Variants in PANK3 observed in about 807,000 individuals in gnomAD.
PANK3 encodes hPanK3.
PANK3 carries 20 observed loss-of-function variants against 39.4 expected under a neutral mutation model. The observed-to-expected ratio is 0.51, with a 90% CI of 0.36 to 0.74. The LOEUF (loss-of-function observed/expected upper bound fraction) is 0.74, where lower values mean the gene tolerates loss of function less well. Ranked by LOEUF, PANK3 falls within the 30% of genes least tolerant of loss-of-function variation. PANK3 has a pLI of 0.00. For synonymous variants in PANK3, 140 were observed against 157.3 expected (o/e 0.89, Z 0.82); for missense variants, 265 against 437.0 (o/e 0.61, Z 3.51).
chr5:168,559,176 GA>G lies in PANK3; in HGVS notation c.937-20del. 7.1e-7 allele frequency: 1 copy of G among 1,414,730 alleles called. No individual in the cohort carries two copies. The highest frequency in any genetic ancestry group is 9.6e-7 in the Non-Finnish European group (1 of 1,042,148). The allele number at this position is 1,414,730 out of a possible 1,614,324, so 87.6% of individuals were successfully genotyped here. ...TTATTTTCTAAAAGAAAAGAACAAA[GA>G]AAAAACTTGTAAAAATAATAGATTT... is the stretch of plus-strand genomic sequence containing the variant. On this transcript the variant is annotated intron_variant, in intron 5 of 6. Transcript: ENST00000239231.
In PANK3 at chr5:168,557,645, T is replaced by C. The variant is rs1582460432; in HGVS notation, c.1063-24A>G. 3.1e-6 allele frequency: 5 copies of C among 1,598,470 alleles called. No individual in the cohort carries two copies. In the African/African-American group the frequency reaches 5.4e-5, roughly 17 times the overall value. On this transcript the variant is annotated intron_variant, in intron 6 of 6. Transcript: ENST00000239231. Reference sequence around the variant, plus strand: ...CCCTGTGTAATTTAAAAATAACTGTTATGTAGTACAGCTTTTAAGTTAGCA... The same window carrying C: ...CCCTGTGTAATTTAAAAATAACTGTCATGTAGTACAGCTTTTAAGTTAGCA...
At chr5:168,566,710 A>ATTCG (rs2113119562) in intron 2 of PANK3, among the ~76,000 whole-genome samples, 1 of 152,308 alleles carries the variant, frequency 6.6e-6, no homozygotes, top group East Asian at 1.9e-4. Flanking sequence ...ATACAAAAGT[A>ATTCG]TTCGTCCTAT....
chr5:168,569,024 AAAAAAAAT>A (rs1759581504), intron 1 of PANK3, 26 bp from the exon 2 acceptor site: 3 of 334,536 alleles, frequency 9.0e-6, no homozygotes, highest in African/African-American at 7.1e-5. Context: ...AAAAAAAAAA[AAAAAAAAT>A]ATATATATAT....
chr5:168,553,313 T>C lies in PANK3; in HGVS notation c.*4258A>G. On this transcript the variant is annotated 3_prime_UTR_variant, in exon 7 of 7. Coordinates refer to ENST00000239231, the MANE Select transcript of PANK3 (RefSeq NM_024594.4). The stretch of plus-strand genomic sequence containing the variant: ...TCTCCAATGTACATGGGCACAAAAC[T>C]TGTGCAGAGTCCGCATTACAAGCCA... 1 of 529,386 alleles carries C rather than the reference T, an allele frequency of 1.9e-6. No homozygotes were observed. The highest frequency in any genetic ancestry group is 3.8e-6 in the Non-Finnish European group (1 of 265,988). 32.8% of individuals were successfully genotyped at this position (529,386 alleles called of 1,614,324 possible).
rs867676122 is a variant in PANK3, at chr5:168,565,885, A to T, written c.635+128T>A. 576 of 194,690 alleles carry T rather than the reference A, an allele frequency of 3.0e-3. 8 individuals are homozygous for T. The highest frequency in any genetic ancestry group is 5.7e-3 in the African/African-American group (215 of 37,664). The allele number at this position is 194,690 out of a possible 1,614,324, so 12.1% of individuals were successfully genotyped here. On this transcript the variant is annotated intron_variant, in intron 3 of 6. Coordinates refer to ENST00000239231, the MANE Select transcript of PANK3 (RefSeq NM_024594.4). Reference sequence around the variant, plus strand: ...AAAAAAAAAATATATATATATATATATTTTTTTTTTTTGCTGTTGTGCAAA... The same window carrying T: ...AAAAAAAAAATATATATATATATATTTTTTTTTTTTTTGCTGTTGTGCAAA...
chr5:168,577,004 C>T (rs926112671), intron 1 of PANK3, among the ~76,000 whole-genome samples: 1 of 152,002 alleles, frequency 6.6e-6, no homozygotes, highest in Non-Finnish European at 1.5e-5. Context: ...CTCAAGCCTC[C>T]CGAACAGCTT....
rs1447001437 is a variant in PANK3, at chr5:168,557,379, T to C, written c.*192A>G. 1.0e-5 allele frequency: 6 copies of C among 582,592 alleles called. No homozygotes were observed. The Admixed American group carries it at 1.7e-4, about 16-fold the overall frequency. 36.1% of individuals were successfully genotyped at this position (582,592 alleles called of 1,614,324 possible). On this transcript the variant is annotated 3_prime_UTR_variant, in exon 7 of 7. Transcript: ENST00000239231. ...GCATTTAAGGATTTAACACTGGCTA[T>C]ATACAAAAGGGAAAGCATTTCAATG...
rs1759366204 is a variant in PANK3 at position 168,557,425 on chromosome 5, A to C, written c.*146T>G. Reference sequence around the variant, plus strand: ...CAATGAGAAATACTTCACGTTACCAAGTTCTCTCCTTTAATATGGCAACAT... The same window carrying C: ...CAATGAGAAATACTTCACGTTACCACGTTCTCTCCTTTAATATGGCAACAT... On this transcript the variant is annotated 3_prime_UTR_variant, in exon 7 of 7. Transcript: ENST00000239231. The C allele has an allele frequency of 3.0e-6, 2 of 672,244 alleles. No homozygotes were observed. The highest frequency in any genetic ancestry group is 5.1e-6 in the Non-Finnish European group (2 of 395,086). The allele number at this position is 672,244 out of a possible 1,614,324, so 41.6% of individuals were successfully genotyped here. A position where few individuals can be genotyped will look rare whatever the true frequency, so the allele number is the denominator to read the frequency against.
chr5:168,579,284 G>A lies in PANK3; in HGVS notation c.-1C>T. On this transcript the variant is annotated 5_prime_UTR_variant, in exon 1 of 7. Transcript: ENST00000239231. ...GTTTCTTGGCATCTTTGATCTTCAT[G>A]GCGTCGGCCCGAGGGGCGATGGACG... 6.7e-7 allele frequency: 1 copy of A among 1,493,996 alleles called. No individual in the cohort carries two copies. The highest frequency in any genetic ancestry group is 8.9e-7 in the Non-Finnish European group (1 of 1,117,936). The allele number at this position is 1,493,996 out of a possible 1,614,324, so 92.5% of individuals were successfully genotyped here.
At chr5:168,558,681 C>A (rs1433046678) in intron 6 of PANK3, among the ~76,000 whole-genome samples, 1 of 152,150 alleles carries the variant, frequency 6.6e-6, no homozygotes, top group African/African-American at 2.4e-5. Context: ...CTCTTCCCCA[C>A]AACTGAAACT....
chr5:168,569,007 GGAAA>G lies in PANK3; in HGVS notation c.29-13_29-10del. 5.6e-6 allele frequency: 1 copy of G among 179,516 alleles called. No homozygotes were observed. Among genetic ancestry groups the G allele is most frequent in the Non-Finnish European group, 7.5e-6 (1 of 132,786 alleles). 11.1% of individuals were successfully genotyped at this position (179,516 alleles called of 1,614,324 possible). A position where few individuals can be genotyped will look rare whatever the true frequency, so the allele number is the denominator to read the frequency against. On this transcript the variant is annotated splice_polypyrimidine_tract_variant and intron_variant, in intron 1 of 6. Coordinates refer to ENST00000239231, the MANE Select transcript of PANK3 (RefSeq NM_024594.4). ...GCCAAACCATGGGAAAGCTATGGGA[GGAAA>G]AAAAAAAAAAAAAAAAAAAATATAT...
At chr5:168,567,251 A>G (rs1303014461) in intron 2 of PANK3, among the ~76,000 whole-genome samples, 1 of 152,214 alleles carries the variant, frequency 6.6e-6, no homozygotes, top group Non-Finnish European at 1.5e-5. Flanking sequence ...TTTGGTATTC[A>G]TGATCAATCT....
In PANK3 at chr5:168,557,765, T is replaced by C. The variant is rs1759372708; in HGVS notation, c.1063-144A>G. The C allele has an allele frequency of 9.9e-6, 6 of 605,022 alleles. 1 individual carries two copies. Among genetic ancestry groups the C allele is most frequent in the South Asian group, 5.8e-5 (2 of 34,782 alleles). The allele number at this position is 605,022 out of a possible 1,614,324, so 37.5% of individuals were successfully genotyped here. ...CCAATTTCTGCGTTGTTAGCTATTA[T>C]AAAAAATTTTCTGAATCTGTATTCT... is the stretch of plus-strand genomic sequence containing the variant. On this transcript the variant is annotated intron_variant, in intron 6 of 6. Coordinates refer to ENST00000239231, the MANE Select transcript of PANK3 (RefSeq NM_024594.4).
chr5:168,557,938 G>T (rs904046858), intron 6 of PANK3, among the ~76,000 whole-genome samples: 1 of 152,076 alleles, frequency 6.6e-6, no homozygotes, highest in African/African-American at 2.4e-5. Flanking sequence ...GGGACTATAG[G>T]CTCACACTGA....
At position 168,553,360 on chromosome 5, in the gene PANK3, A is replaced by G. The variant is rs373091190; in HGVS notation, c.*4211T>C. 2.6e-5 allele frequency: 13 copies of G among 502,788 alleles called. No homozygotes were observed. In the East Asian group the frequency reaches 8.3e-4, roughly 32 times the overall value. The allele number at this position is 502,788 out of a possible 1,614,324, so 31.1% of individuals were successfully genotyped here. A position where few individuals can be genotyped will look rare whatever the true frequency, so the allele number is the denominator to read the frequency against. ...GCCAGTAATCTAGTGGCCCAGGATC[A>G]GCATTTCAACCAACTCAGCTTGTCT... On this transcript the variant is annotated 3_prime_UTR_variant, in exon 7 of 7. Coordinates refer to ENST00000239231, the MANE Select transcript of PANK3 (RefSeq NM_024594.4).
rs1418876571 is a variant in PANK3 at position 168,550,817 on chromosome 5, TAAC to T, written c.*6751_*6753del. 6.6e-6 allele frequency: 1 copy of T among 152,150 alleles called. No homozygotes were observed. The highest frequency in any genetic ancestry group is 1.5e-5 in the Non-Finnish European group (1 of 67,992). The allele number at this position is 152,150 out of a possible 1,614,324, so 9.4% of individuals were successfully genotyped here. A position where few individuals can be genotyped will look rare whatever the true frequency, so the allele number is the denominator to read the frequency against. On this transcript the variant is annotated 3_prime_UTR_variant, in exon 7 of 7. Coordinates refer to ENST00000239231, the MANE Select transcript of PANK3 (RefSeq NM_024594.4). ...CTGAAAACTGACTCATTTCCCATCA[TAAC>T]AAACCAACTCCCTCATTTTACAAAT...
chr5:168,574,794 G>C (rs1365729806), intron 1 of PANK3, among the ~76,000 whole-genome samples: 1 of 152,116 alleles, frequency 6.6e-6, no homozygotes, highest in Non-Finnish European at 1.5e-5. Context: ...CCAGGAGGCA[G>C]AGGTTGCAGT....
At chr5:168,576,264 C>G (rs1197700365) in intron 1 of PANK3, among the ~76,000 whole-genome samples, 1 of 152,190 alleles carries the variant, frequency 6.6e-6, no homozygotes, top group Non-Finnish European at 1.5e-5. Flanking sequence ...TTTCTCTGGT[C>G]TTAACAAAAA....
chr5:168,564,815 A>G (rs1239582307), intron 3 of PANK3, among the ~76,000 whole-genome samples: 1 of 152,194 alleles, frequency 6.6e-6, no homozygotes, highest in African/African-American at 2.4e-5. Flanking sequence ...AATCAATTCA[A>G]TATGATACAC....
Sources: allele counts gnomAD v4.1 joint callset (sites outside exome capture counted in the v4.1 genomes callset), GRCh38; gene constraint gnomAD v4.1.1; transcripts MANE v1.5; gene names NCBI Gene and HGNC (gene_info 2026-07-23, HGNC 2026-07-21).